The following CTHRC1 variants were observed in gnomAD, a reference collection of about 807,000 sequenced individuals.
The protein encoded by CTHRC1 is collagen triple helix repeat-containing protein 1.
CTHRC1 carries 21 observed loss-of-function variants against 25.9 expected under a neutral mutation model. That is an observed-to-expected ratio of 0.81 (90% confidence interval 0.57 to 1.17). The LOEUF (loss-of-function observed/expected upper bound fraction) is 1.17, where lower values mean the gene tolerates loss of function less well. Among genes scored for constraint, CTHRC1 ranks in the 50% most tolerant of loss-of-function variants. The pLI is 0.00. For missense variants in CTHRC1, 281 were observed against 304.3 expected, an observed-to-expected ratio of 0.92 and a Z score of 0.57; for synonymous variants, 109 against 113.1, an observed-to-expected ratio of 0.96 and a Z score of 0.23.
chr8:103,372,113 G>A (rs1272913019), intron 1 of CTHRC1, among the ~76,000 whole-genome samples: 1 of 152,154 alleles, frequency 6.6e-6, no homozygotes, highest in Non-Finnish European at 1.5e-5. Flanking sequence ...TCTGGCCCCA[G>A]GGGGACCCCT....
Position 103,375,739 on chromosome 8 carries a change from A to G in CTHRC1, c.152A>G (p.Tyr51Cys), listed in dbSNP as rs1227222822. 5 of 1,612,956 alleles carry G rather than the reference A, an allele frequency of 3.1e-6. No individual in the cohort carries two copies. The highest frequency in any genetic ancestry group is 4.2e-6 in the Non-Finnish European group (5 of 1,179,082). The change falls in exon 2 of 4, where the codon TAT (tyrosine) becomes TGT (cysteine). Residue 51 changes from tyrosine to cysteine, a missense_variant and splice_region_variant. Physicochemically the swap from Tyr to Cys is radical, Grantham distance 194. Coordinates refer to ENST00000330295, the MANE Select transcript of CTHRC1 (RefSeq NM_138455.4). Reference protein sequence around the residue: ...QLRQREVVDLYNGMCLQGPAG... With the variant: ...QLRQREVVDLCNGMCLQGPAG... Reference sequence around the variant, plus strand: ...TTTGCCTTTTCTTTCTCATTATAGTATAATGGAATGTGCTTACAAGGGCCA... The same window carrying G: ...TTTGCCTTTTCTTTCTCATTATAGTGTAATGGAATGTGCTTACAAGGGCCA...
intron 1 of CTHRC1, among the ~76,000 whole-genome samples, 193 bp downstream of exon 1, chr8:103,371,999 T>A (rs1172546314): frequency 2.0e-5 from 3 of 152,116 alleles, no homozygotes; most frequent in African/African-American, 7.2e-5. Flanking sequence ...GTGCAGTGAG[T>A]CTTGGAACTC....
At position 103,378,129 on chromosome 8, in the gene CTHRC1, T is replaced by C; in HGVS notation, c.475T>C (p.Phe159Leu). 6.2e-7 allele frequency: 1 copy of C among 1,614,208 alleles called. No homozygotes were observed. Among genetic ancestry groups the C allele is most frequent in the Admixed American group, 1.7e-5 (1 of 60,030 alleles). The change falls in exon 3 of 4, where the codon TTC becomes CTC. Residue 159 changes from phenylalanine (F) to leucine (L), a missense_variant. Physicochemically the swap from Phe to Leu is conservative, Grantham distance 22. Coordinates refer to ENST00000330295, the MANE Select transcript of CTHRC1 (RefSeq NM_138455.4). ...AAATGCATGCTGTCAGCGTTGGTAT[T>C]TCACATTCAATGGAGCTGAATGTTC... Reference protein sequence around the residue: ...CRNACCQRWYFTFNGAECSGP... With the variant: ...CRNACCQRWYLTFNGAECSGP...
Position 103,382,715 on chromosome 8 carries a change from G to A in CTHRC1, c.*115G>A, listed in dbSNP as rs1319732394. 1.3e-5 allele frequency: 12 copies of A among 929,976 alleles called. No individual in the cohort carries two copies. The highest frequency in any genetic ancestry group is 2.6e-5 in the South Asian group (2 of 76,508). 57.6% of individuals were successfully genotyped at this position (929,976 alleles called of 1,614,324 possible). ...CTGAATGAAAAGCAAAGCTAAATAT[G>A]TTTACAGACCAAAGTGTGATTTCAC... is the stretch of plus-strand genomic sequence containing the variant. On this transcript the variant is annotated 3_prime_UTR_variant, in exon 4 of 4. Transcript: ENST00000330295.
intron 1 of CTHRC1, among the ~76,000 whole-genome samples, chr8:103,373,273 G>A (rs1013105365): frequency 4.6e-5 from 7 of 152,172 alleles, no homozygotes; most frequent in African/African-American, 1.7e-4. Context: ...GGTTGGATTT[G>A]GTTTTGCTGA....
At position 103,371,740 on chromosome 8, in the gene CTHRC1, G is replaced by C. The variant is rs1188037522; in HGVS notation, c.84G>C (p.Ser28=). The C allele has an allele frequency of 3.3e-6, 5 of 1,535,190 alleles. No homozygotes were observed. The highest frequency in any genetic ancestry group is 1.2e-5 in the South Asian group (1 of 82,424). Residue 28 remains serine (S), a synonymous_variant, in exon 1 of 4, where the codon TCG becomes TCC. Coordinates refer to ENST00000330295, the MANE Select transcript of CTHRC1 (RefSeq NM_138455.4). ...LLLLLQLPAP[S]SASEIPKGKQ... The stretch of plus-strand genomic sequence containing the variant: ...TGCTGCTGCAGCTGCCCGCGCCGTC[G>C]AGCGCCTCTGAGATCCCCAAGGGGA...
Position 103,382,467 on chromosome 8 carries a change from T to A in CTHRC1, c.599T>A (p.Leu200His). Residue 200 changes from leucine to histidine, a missense_variant, in exon 4 of 4, where the codon CTT becomes CAT. Physicochemically the swap from Leu to His is moderately conservative, Grantham distance 99. Transcript: ENST00000330295. Reference protein sequence around the residue: ...NIHRTSSVEGLCEGIGAGLVD... With the variant: ...NIHRTSSVEGHCEGIGAGLVD... ...CATCTTTGTCTTGCAGTGGAAGGAC[T>A]TTGTGAAGGAATTGGTGCTGGATTA... is the stretch of plus-strand genomic sequence containing the variant. The A allele has an allele frequency of 6.2e-7, 1 of 1,613,842 alleles. No homozygotes were observed. The highest frequency in any genetic ancestry group is 8.5e-7 in the Non-Finnish European group (1 of 1,179,842).
chr8:103,379,697 T>A (rs1443894129), intron 3 of CTHRC1, among the ~76,000 whole-genome samples: 1 of 152,138 alleles, frequency 6.6e-6, no homozygotes, highest in Non-Finnish European at 1.5e-5. Flanking sequence ...TTTTCACTAA[T>A]CTTATAATTA....
rs537166798 is a variant in CTHRC1 at position 103,382,757 on chromosome 8, G to T, written c.*157G>T. The T allele has an allele frequency of 2.2e-5, 17 of 756,560 alleles. No homozygotes were observed. The African/African-American group carries it at 2.6e-4, about 12-fold the overall frequency. The allele number at this position is 756,560 out of a possible 1,614,324, so 46.9% of individuals were successfully genotyped here. A position where few individuals can be genotyped will look rare whatever the true frequency, so the allele number is the denominator to read the frequency against. The stretch of plus-strand genomic sequence containing the variant: ...TGATTTCACACTGTTTTTAAATCTA[G>T]CATTATTCATTTTGCTTCAATCAAA... On this transcript the variant is annotated 3_prime_UTR_variant, in exon 4 of 4. Transcript: ENST00000330295.
chr8:103,372,346 CTA>C, intron 1 of CTHRC1: 4 of 995,924 alleles, frequency 4.0e-6, no homozygotes, highest in Non-Finnish European at 5.6e-6. Flanking sequence ...AACTTGAAGA[CTA>C]TGAGTCACGT....
At chr8:103,377,770 A>T in intron 2 of CTHRC1, among the ~76,000 whole-genome samples, 1 of 151,954 alleles carries the variant, frequency 6.6e-6, no homozygotes, top group East Asian at 1.9e-4. Flanking sequence ...CACCCAGCAA[A>T]TTTTTTGTAT....
At chr8:103,372,507 A>G (rs987264735) in intron 1 of CTHRC1, 1 of 1,597,920 alleles carries the variant, frequency 6.3e-7, no homozygotes, top group Non-Finnish European at 8.5e-7. Flanking sequence ...GCTTCTGTTT[A>G]AACCAAATGG....
chr8:103,371,843 G>GGT, intron 1 of CTHRC1, 37 bp downstream of exon 1: 1 of 1,474,830 alleles, frequency 6.8e-7, no homozygotes, highest in Non-Finnish European at 9.0e-7. Context: ...CCGCCGCGCT[G>GGT]GTGGAGGGGA....
Position 103,371,604 on chromosome 8 carries a change from C to T in CTHRC1, c.-53C>T, listed in dbSNP as rs1586549484. On this transcript the variant is annotated 5_prime_UTR_variant, in exon 1 of 4. Coordinates refer to ENST00000330295, the MANE Select transcript of CTHRC1 (RefSeq NM_138455.4). ...GCGGAGCCAGACGCTGACCACGTTC[C>T]TCTCCTCGGTCTCCTCCGCCTCCAG... 8 of 1,520,390 alleles carry T rather than the reference C, an allele frequency of 5.3e-6. No homozygotes were observed. Among genetic ancestry groups the T allele is most frequent in the South Asian group, 1.2e-5 (1 of 81,512 alleles). 94.2% of individuals were successfully genotyped at this position (1,520,390 alleles called of 1,614,324 possible).
Position 103,382,491 on chromosome 8 carries a change from T to C in CTHRC1, c.623T>C (p.Leu208Ser). The C allele has an allele frequency of 1.9e-6, 3 of 1,613,764 alleles. No individual in the cohort carries two copies. The highest frequency in any genetic ancestry group is 2.5e-6 in the Non-Finnish European group (3 of 1,179,762). The change falls in exon 4 of 4, where the codon TTA (leucine) becomes TCA (serine). Residue 208 changes from leucine (L) to serine (S), a missense_variant. Transcript: ENST00000330295. ...EGLCEGIGAG[L>S]VDVAIWVGTC... is the part of the protein sequence containing the mutation. Reference sequence around the variant, plus strand: ...CTTTGTGAAGGAATTGGTGCTGGATTAGTGGATGTTGCTATCTGGGTTGGT... The same window carrying C: ...CTTTGTGAAGGAATTGGTGCTGGATCAGTGGATGTTGCTATCTGGGTTGGT...
chr8:103,371,572 G>T lies in CTHRC1; in HGVS notation c.-85G>T, dbSNP rs1815694286. 2.1e-6 allele frequency: 3 copies of T among 1,438,356 alleles called. No individual in the cohort carries two copies. The Admixed American group carries it at 6.5e-5, about 31-fold the overall frequency. 89.1% of individuals were successfully genotyped at this position (1,438,356 alleles called of 1,614,324 possible). A position where few individuals can be genotyped will look rare whatever the true frequency, so the allele number is the denominator to read the frequency against. On this transcript the variant is annotated 5_prime_UTR_variant, in exon 1 of 4. An upstream open reading frame in the 5' UTR gains an earlier in-frame stop. Transcript: ENST00000330295. ...ATTGATGCAGCCTGCGGCGGCCTCGGAGCGCGGCGGAGCCAGACGCTGACC... is the reference window on the plus strand; with the variant it reads ...ATTGATGCAGCCTGCGGCGGCCTCGTAGCGCGGCGGAGCCAGACGCTGACC...
chr8:103,378,978 A>G, intron 3 of CTHRC1, among the ~76,000 whole-genome samples: 1 of 147,820 alleles, frequency 6.8e-6, no homozygotes, highest in East Asian at 2.1e-4. Flanking sequence ...GAGTGATGAC[A>G]GAGTGAGATG....
Position 103,378,134 on chromosome 8 carries a change from A to G in CTHRC1, c.480A>G (p.Thr160=). Residue 160 remains threonine, a synonymous_variant, in exon 3 of 4, where the codon ACA becomes ACG. Coordinates refer to ENST00000330295, the MANE Select transcript of CTHRC1 (RefSeq NM_138455.4). Reference sequence around the variant, plus strand: ...CATGCTGTCAGCGTTGGTATTTCACATTCAATGGAGCTGAATGTTCAGGAC... The same window carrying G: ...CATGCTGTCAGCGTTGGTATTTCACGTTCAATGGAGCTGAATGTTCAGGAC... ...RNACCQRWYF[T]FNGAECSGPL... 1 of 1,614,202 alleles carries G rather than the reference A, an allele frequency of 6.2e-7. No individual in the cohort carries two copies. The highest frequency in any genetic ancestry group is 1.1e-5 in the South Asian group (1 of 91,086).
chr8:103,375,956 T>TG lies in CTHRC1; in HGVS notation c.370dup (p.Ala124GlyfsTer12). On this transcript the variant is annotated frameshift_variant, in exon 2 of 4. Coordinates refer to ENST00000330295, the MANE Select transcript of CTHRC1 (RefSeq NM_138455.4). LOFTEE classifies it high-confidence loss of function. ...ATTATGGCATAGATCTTGGGAAAAT[T>TG]GCGGTAAGTTTGAATTATTTTAAAA... 7.5e-6 allele frequency: 12 copies of TG among 1,610,556 alleles called. No homozygotes were observed. Among genetic ancestry groups the TG allele is most frequent in the Non-Finnish European group, 1.0e-5 (12 of 1,177,208 alleles).
Sources: allele counts gnomAD v4.1 joint callset (sites outside exome capture counted in the v4.1 genomes callset), GRCh38; gene constraint gnomAD v4.1.1; transcripts MANE v1.5; gene names NCBI Gene and HGNC (gene_info 2026-07-23, HGNC 2026-07-21).